RAB12: variants seen among roughly 807,000 people sequenced by gnomAD.
RAB12 encodes the protein RAB12, member RAS oncogene family.
RAB12 carries 11 observed loss-of-function variants against 28.4 expected under a neutral mutation model. That is an observed-to-expected ratio of 0.39 (90% CI 0.24 to 0.64). The LOEUF is 0.64. RAB12 is among the 30% of genes least tolerant of loss of function. RAB12 has a pLI of 0.50. For missense variants in RAB12, 276 were observed against 351.1 expected (o/e 0.79, Z 1.71); for synonymous variants, 138 against 145.3 (o/e 0.95, Z 0.36).
In RAB12 at chr18:8,638,542, G is replaced by T; in HGVS notation, c.*280G>T. ...AATATGAAGAATGGGAGAAATGAAAGGTATAATGTTTCTTGAAATAAATAA... is the reference window on the plus strand; with the variant it reads ...AATATGAAGAATGGGAGAAATGAAATGTATAATGTTTCTTGAAATAAATAA... On this transcript the variant is annotated 3_prime_UTR_variant, in exon 6 of 6. Transcript: ENST00000649141. 1 of 277,084 alleles carries T rather than the reference G, an allele frequency of 3.6e-6. No homozygotes were observed. The highest frequency in any genetic ancestry group is 4.9e-5 in the Admixed American group (1 of 20,328). The allele number at this position is 277,084 out of a possible 1,614,324, so 17.2% of individuals were successfully genotyped here.
intron 5 of RAB12, among the ~76,000 whole-genome samples, chr18:8,637,363 AT>A (rs1483838639): frequency 1.3e-5 from 2 of 151,988 alleles, no homozygotes; most frequent in African/African-American, 4.8e-5. Context: ...AATGCAGACC[AT>A]TTTTAAAATT....
intron 1 of RAB12, chr18:8,610,171 C>T (rs1250371663): frequency 4.4e-6 from 2 of 454,224 alleles, no homozygotes; most frequent in Admixed American, 4.2e-5. Flanking sequence ...CCTTGGCCCC[C>T]GGCCCTGCCT....
At chr18:8,610,281 C>G (rs2096003033) in intron 1 of RAB12, among the ~76,000 whole-genome samples, 1 of 152,182 alleles carries the variant, frequency 6.6e-6, no homozygotes, top group Non-Finnish European at 1.5e-5. Flanking sequence ...TCGAGTGGAG[C>G]GCAGGCAGGC....
rs763208940 is a variant in RAB12 at position 8,636,157 on chromosome 18, C to A, written c.805-96C>A. ...CAGTGGGACTTTCTACCCCTTAATC[C>A]CAGCCCTTCCCTTGAAGCTGAGCCC... is the stretch of plus-strand genomic sequence containing the variant. On this transcript the variant is annotated intron_variant, in intron 4 of 5. Coordinates refer to ENST00000649141, the MANE Select transcript of RAB12 (RefSeq NM_001025300.3). The A allele has an allele frequency of 3.0e-5, 24 of 791,808 alleles. 1 individual carries two copies. Among genetic ancestry groups the A allele is most frequent in the Admixed American group, 5.9e-5 (3 of 51,094 alleles). The allele number at this position is 791,808 out of a possible 1,614,324, so 49.0% of individuals were successfully genotyped here.
At chr18:8,611,238 G>C (rs1338415468) in intron 1 of RAB12, among the ~76,000 whole-genome samples, 1 of 152,114 alleles carries the variant, frequency 6.6e-6, no homozygotes, top group Non-Finnish European at 1.5e-5. Flanking sequence ...CAGAGTACAG[G>C]GAGTTGTTAA....
chr18:8,630,005 C>T (rs929995543), intron 2 of RAB12, among the ~76,000 whole-genome samples: 3 of 152,138 alleles, frequency 2.0e-5, no homozygotes, highest in Admixed American at 6.5e-5. Context: ...TCCATTGAGC[C>T]TTATTGGAAT....
At chr18:8,610,432 T>C (rs377028538) in intron 1 of RAB12, among the ~76,000 whole-genome samples, 29 of 152,364 alleles carry the variant, frequency 1.9e-4, no homozygotes, top group African/African-American at 6.5e-4. Context: ...TAAAGTCACC[T>C]ATGGAGAATG....
chr18:8,609,980 C>G, intron 1 of RAB12, 27 bp downstream of exon 1: 1 of 1,580,004 alleles, frequency 6.3e-7, no homozygotes, highest in Non-Finnish European at 8.7e-7. Context: ...GACCCTGGGC[C>G]GGGCCTCCTG....
intron 1 of RAB12, among the ~76,000 whole-genome samples, chr18:8,613,735 T>G (rs533445961): frequency 6.6e-6 from 1 of 152,136 alleles, no homozygotes; most frequent in South Asian, 2.1e-4. Context: ...AACACTAGAG[T>G]AAGAATAAGA....
At chr18:8,613,863 AGTAGTG>A (rs1420995172) in intron 1 of RAB12, among the ~76,000 whole-genome samples, 1 of 150,380 alleles carries the variant, frequency 6.6e-6, no homozygotes, top group Non-Finnish European at 1.5e-5. Flanking sequence ...TAGTAGTAGT[AGTAGTG>A]GTCACTGCTA....
chr18:8,637,278 TAA>T (rs11375791), intron 5 of RAB12, among the ~76,000 whole-genome samples: 4 of 144,028 alleles, frequency 2.8e-5, no homozygotes, highest in Non-Finnish European at 3.0e-5. Context: ...TGTCTCTATT[TAA>T]AAAAAAAAAA....
At chr18:8,634,449 C>T (rs321664) in intron 3 of RAB12, among the ~76,000 whole-genome samples, 57,814 of 151,638 alleles carry the variant, frequency 0.38, 13,201 homozygotes, top group African/African-American at 0.64. Flanking sequence ...TTCCCTGATA[C>T]GGAAGTCACA....
chr18:8,623,657 C>T (rs144276494), intron 1 of RAB12, among the ~76,000 whole-genome samples: 221 of 152,286 alleles, frequency 1.5e-3, no homozygotes, highest in African/African-American at 5.2e-3. Context: ...GTCTGAGCTT[C>T]CTTTGACTTT....
At chr18:8,628,345 G>A (rs1351576415) in intron 2 of RAB12, among the ~76,000 whole-genome samples, 3 of 152,182 alleles carry the variant, frequency 2.0e-5, no homozygotes, top group Non-Finnish European at 2.9e-5. Flanking sequence ...CCTGATAGTA[G>A]ATAATTTAGT....
At chr18:8,637,127 G>T (rs982255476) in intron 5 of RAB12, among the ~76,000 whole-genome samples, 1 of 152,048 alleles carries the variant, frequency 6.6e-6, no homozygotes, top group African/African-American at 2.4e-5. Flanking sequence ...TTAGCAAGGT[G>T]TAGTGGCATG....
Position 8,619,612 on chromosome 18 carries a change from TAAC to T in RAB12, c.515-5325_515-5323del, listed in dbSNP as rs555684161. Among the ~76,000 whole-genome samples, 66 of 152,332 alleles carry T rather than the reference TAAC, an allele frequency of 4.3e-4. No individual in the cohort carries two copies. In the South Asian group the frequency reaches 0.013, roughly 31 times the overall value. On this transcript the variant is annotated intron_variant, in intron 1 of 5. Transcript: ENST00000649141. The stretch of plus-strand genomic sequence containing the variant: ...TTCACCCATCTGACTTTTATTATAA[TAAC>T]CTTTCATTGTGGGCAGTGGTGTAAA...
intron 4 of RAB12, 195 bp from the exon 5 acceptor site, chr18:8,636,058 T>C: frequency 1.8e-6 from 1 of 554,292 alleles, no homozygotes; most frequent in Non-Finnish European, 3.2e-6. Context: ...CTTCAGGATT[T>C]TTATTGTCTT....
intron 5 of RAB12, among the ~76,000 whole-genome samples, chr18:8,636,774 C>T (rs1314464674): frequency 1.3e-5 from 2 of 152,224 alleles, no homozygotes; most frequent in Non-Finnish European, 2.9e-5. Context: ...GTTCTGCTCC[C>T]TGGTGGGAGC....
intron 1 of RAB12, among the ~76,000 whole-genome samples, chr18:8,617,427 G>A (rs772309487): frequency 6.6e-6 from 1 of 150,560 alleles, no homozygotes; most frequent in Non-Finnish European, 1.5e-5. Context: ...TGAAGAAAAT[G>A]TTAATAATCC....
Sources: gnomAD v4.1 joint callset for allele counts (sites outside exome capture counted in the v4.1 genomes callset) on GRCh38, gnomAD v4.1.1 for gene constraint, MANE v1.5 for transcripts, NCBI Gene and HGNC (gene_info 2026-07-23, HGNC 2026-07-21) for gene names.